Variants in TMEM244 observed in about 807,000 individuals in gnomAD.
TMEM244 encodes the protein transmembrane protein 244.
Under a neutral mutation model 15.8 loss-of-function variants are expected in TMEM244, and 13 were observed. The observed-to-expected ratio is 0.82, with a 90% confidence interval of 0.53 to 1.30. The LOEUF (loss-of-function observed/expected upper bound fraction) is 1.30, where lower values mean the gene tolerates loss of function less well. Ranked by LOEUF, TMEM244 falls within the 50% of genes most tolerant of loss-of-function variation. The pLI is 0.00. For missense variants in TMEM244, 161 were observed against 144.9 expected, an observed-to-expected ratio of 1.11 and a Z score of -0.57; for synonymous variants, 45 against 48.7, an observed-to-expected ratio of 0.92 and a Z score of 0.32.
Position 129,843,582 on chromosome 6 carries a change from C to A in TMEM244, c.141G>T (p.Leu47=). The A allele has an allele frequency of 1.2e-6, 2 of 1,611,842 alleles. No homozygotes were observed. Among genetic ancestry groups the A allele is most frequent in the Middle Eastern group, 1.7e-4 (1 of 6,040 alleles). The change falls in exon 3 of 5, where the codon CTG becomes CTT. Residue 47 remains leucine, a synonymous_variant. Coordinates refer to ENST00000368143, the MANE Select transcript of TMEM244 (RefSeq NM_001010876.2). ...VMFEVHELNV[L]APFDFKTNPS... ...GATTTGTTTTGAAATCAAATGGAGCCAGGACATTCAACTCATGCACCCTAA... is the reference window on the plus strand; with the variant it reads ...GATTTGTTTTGAAATCAAATGGAGCAAGGACATTCAACTCATGCACCCTAA...
chr6:129,832,049 G>C (rs760961264), intron 4 of TMEM244, among the ~76,000 whole-genome samples: 3 of 148,940 alleles, frequency 2.0e-5, no homozygotes, highest in Non-Finnish European at 3.0e-5. Flanking sequence ...GGAAGTTGTA[G>C]TTCATTTGGA....
chr6:129,841,858 C>A (rs1776495601), intron 3 of TMEM244, among the ~76,000 whole-genome samples: 1 of 152,114 alleles, frequency 6.6e-6, no homozygotes, highest in South Asian at 2.1e-4. Context: ...ATAATAAATA[C>A]ATGCCAAAGT....
At chr6:129,846,871 A>G (rs1335885205) in intron 1 of TMEM244, among the ~76,000 whole-genome samples, 2 of 152,218 alleles carry the variant, frequency 1.3e-5, no homozygotes, top group Non-Finnish European at 2.9e-5. Context: ...GACCTAAGAA[A>G]GAAGCACTGC....
intron 1 of TMEM244, among the ~76,000 whole-genome samples, chr6:129,859,241 AT>A (rs1776765895): frequency 1.3e-5 from 2 of 152,168 alleles, no homozygotes; most frequent in Admixed American, 1.3e-4. Context: ...TTCATAAGGG[AT>A]TTGTATTCTG....
In TMEM244 at chr6:129,833,729, CAA is replaced by C. The variant is rs1235453974; in HGVS notation, c.194-146_194-145del. On this transcript the variant is annotated intron_variant, in intron 3 of 4. Transcript: ENST00000368143. ...AAATGTTCCATTTCCTAACAATCCTCAAATTTGGATAAAACAATTAACATATT... is the reference window on the plus strand; with the variant it reads ...AAATGTTCCATTTCCTAACAATCCTCATTTGGATAAAACAATTAACATATT... The C allele has an allele frequency of 4.8e-5, 38 of 784,264 alleles. No individual in the cohort carries two copies. The Admixed American group carries it at 1.0e-3, about 21-fold the overall frequency. The allele number at this position is 784,264 out of a possible 1,614,324, so 48.6% of individuals were successfully genotyped here.
chr6:129,854,416 T>A lies in TMEM244; in HGVS notation c.33+6740A>T, dbSNP rs1776676667. Among the ~76,000 whole-genome samples, 6 of 152,262 alleles carry A rather than the reference T, an allele frequency of 3.9e-5. No homozygotes were observed. In the South Asian group the frequency reaches 1.2e-3, roughly 32 times the overall value. ...GGAGATAATTATCAAGTGTTGACAT[T>A]CTGCCCAAAACTGTTTCAGACTTCC... is the stretch of plus-strand genomic sequence containing the variant. On this transcript the variant is annotated intron_variant, in intron 1 of 4. Transcript: ENST00000368143.
rs981854869 is a variant in TMEM244 at position 129,831,477 on chromosome 6, C to T, written c.320-91G>A. The T allele has an allele frequency of 2.1e-5, 18 of 874,930 alleles. No homozygotes were observed. In the African/African-American group the frequency reaches 2.8e-4, roughly 14 times the overall value. 54.2% of individuals were successfully genotyped at this position (874,930 alleles called of 1,614,324 possible). A position where few individuals can be genotyped will look rare whatever the true frequency, so the allele number is the denominator to read the frequency against. On this transcript the variant is annotated intron_variant, in intron 4 of 4. Transcript: ENST00000368143. Reference sequence around the variant, plus strand: ...CGTCTGTTTGGTCAAATTATATCCACTCAACAAGAGAAGGTTTATCCATGT... The same window carrying T: ...CGTCTGTTTGGTCAAATTATATCCATTCAACAAGAGAAGGTTTATCCATGT...
chr6:129,853,997 T>G (rs1776670817), intron 1 of TMEM244, among the ~76,000 whole-genome samples: 1 of 152,088 alleles, frequency 6.6e-6, no homozygotes, highest in Non-Finnish European at 1.5e-5. Context: ...AGCTCTTGAG[T>G]TTTTCTTGTT....
intron 1 of TMEM244, among the ~76,000 whole-genome samples, chr6:129,850,200 A>G (rs1776618341): frequency 6.6e-6 from 1 of 152,160 alleles, no homozygotes; most frequent in Admixed American, 6.5e-5. Flanking sequence ...ACTTGCAAAG[A>G]CCTAGGTGAA....
intron 3 of TMEM244, among the ~76,000 whole-genome samples, chr6:129,841,254 C>T (rs1034098278): frequency 7.2e-5 from 11 of 152,002 alleles, no homozygotes; most frequent in African/African-American, 1.9e-4. Context: ...TAAAAAAGGA[C>T]GAGTTCATGT....
At chr6:129,843,094 C>T (rs934156537) in intron 3 of TMEM244, among the ~76,000 whole-genome samples, 1 of 152,034 alleles carries the variant, frequency 6.6e-6, no homozygotes, top group African/African-American at 2.4e-5. Flanking sequence ...TTGCATAATT[C>T]TCCAGACTTC....
intron 1 of TMEM244, among the ~76,000 whole-genome samples, chr6:129,849,666 A>G (rs1212639726): frequency 6.6e-6 from 1 of 152,124 alleles, no homozygotes; most frequent in Non-Finnish European, 1.5e-5. Context: ...TAATTCTGGG[A>G]CAGGCTCCAG....
chr6:129,858,799 CT>C (rs5879980), intron 1 of TMEM244, among the ~76,000 whole-genome samples: 3,567 of 146,532 alleles, frequency 0.024, 38 homozygotes, highest in African/African-American at 0.031. Context: ...GAACCATAGT[CT>C]TTTTTTTTTT....
intron 3 of TMEM244, among the ~76,000 whole-genome samples, chr6:129,842,575 T>A (rs1424557935): frequency 7.6e-6 from 1 of 130,792 alleles, no homozygotes. Flanking sequence ...CCCAAAAATA[T>A]TCTCCAGTGG....
chr6:129,851,774 T>C (rs17058082), intron 1 of TMEM244, among the ~76,000 whole-genome samples: 2,384 of 152,348 alleles, frequency 0.016, 23 homozygotes, highest in Non-Finnish European at 0.022. Context: ...TACAATATTA[T>C]TGCTGCACTC....
At chr6:129,860,708 G>A (rs556856873) in intron 1 of TMEM244, among the ~76,000 whole-genome samples, 3 of 151,312 alleles carry the variant, frequency 2.0e-5, no homozygotes, top group Admixed American at 6.6e-5. Context: ...CACTAGCCTC[G>A]GGGGAAAAAG....
intron 3 of TMEM244, among the ~76,000 whole-genome samples, chr6:129,839,683 T>C (rs1216549694): frequency 6.6e-6 from 1 of 152,216 alleles, no homozygotes; most frequent in African/African-American, 2.4e-5. Flanking sequence ...GAAAACCCCA[T>C]TGTCTCAGCC....
intron 2 of TMEM244, 120 bp downstream of exon 2, chr6:129,845,647 T>A: frequency 3.8e-6 from 3 of 788,362 alleles, no homozygotes; most frequent in Middle Eastern, 7.2e-4. Flanking sequence ...AGTAAGAAAC[T>A]ATGTCTTTAA....
chr6:129,857,058 A>G (rs987260382), intron 1 of TMEM244, among the ~76,000 whole-genome samples: 1 of 152,018 alleles, frequency 6.6e-6, no homozygotes, highest in Non-Finnish European at 1.5e-5. Flanking sequence ...TTCCTCTTCC[A>G]TTACATTATC....
Sources: allele counts gnomAD v4.1 joint callset (sites outside exome capture counted in the v4.1 genomes callset), GRCh38; gene constraint gnomAD v4.1.1; transcripts MANE v1.5; gene names NCBI Gene and HGNC (gene_info 2026-07-23, HGNC 2026-07-21).